Variants in SFMBT2 observed in about 807,000 individuals in gnomAD.
SFMBT2 encodes Scm like with four mbt domains 2.
In SFMBT2, 38 loss-of-function variants were observed where a neutral mutation model predicts 110.1. That is an observed-to-expected ratio of 0.35 (90% CI 0.27 to 0.45). SFMBT2 has a LOEUF of 0.45. SFMBT2 is among the 20% of genes least tolerant of loss of function. The pLI, the probability that SFMBT2 is intolerant of heterozygous loss-of-function variation, is 1.00. For missense variants in SFMBT2, 1,011 were observed against 1,094.9 expected, an observed-to-expected ratio of 0.92 and a Z score of 1.08; for synonymous variants, 425 against 425.4, an observed-to-expected ratio of 1.00 and a Z score of 0.01.
chr10:7,321,972 A>C (rs1843203702), intron 4 of SFMBT2, among the ~76,000 whole-genome samples: 1 of 152,200 alleles, frequency 6.6e-6, no homozygotes, highest in Non-Finnish European at 1.5e-5. Context: ...TTGACCTCTA[A>C]ATGTATGCAG....
At chr10:7,189,783 C>G (rs1838540221) in intron 15 of SFMBT2, among the ~76,000 whole-genome samples, 1 of 152,206 alleles carries the variant, frequency 6.6e-6, no homozygotes, top group Non-Finnish European at 1.5e-5. Context: ...TTTTGGATTT[C>G]AGAGCAAAAT....
chr10:7,310,214 T>C (rs1842810507), intron 4 of SFMBT2, among the ~76,000 whole-genome samples: 1 of 152,214 alleles, frequency 6.6e-6, no homozygotes, highest in Non-Finnish European at 1.5e-5. Flanking sequence ...CACATGTTGA[T>C]TCGGTACACA....
rs191758982 is a variant in SFMBT2 at position 7,407,539 on chromosome 10, C to A, written c.-52+3322G>T. Among the ~76,000 whole-genome samples the A allele has an allele frequency of 9.7e-4, 148 of 152,176 alleles. 2 individuals carry two copies. Among genetic ancestry groups the A allele is most frequent in the East Asian group, 5.6e-3 (29 of 5,170 alleles). On this transcript the variant is annotated intron_variant, in intron 1 of 20. Coordinates refer to ENST00000397167, the MANE Select transcript of SFMBT2 (RefSeq NM_001387889.1). ...ACGCGGCTGGGGTTGGTGCGCGGGG[C>A]CCCGGAACCCCAAACCCGGCTCGGT...
chr10:7,382,062 T>C (rs187619417), intron 1 of SFMBT2, 113 bp from the exon 2 acceptor site: 12 of 527,294 alleles, frequency 2.3e-5, no homozygotes, highest in African/African-American at 1.7e-4. Context: ...CATTTCATTA[T>C]AACTTTCAAG....
rs1429159908 is a variant in SFMBT2 at position 7,158,888 on chromosome 10, A to C, written c.*4882T>G. 6.6e-6 allele frequency: 1 copy of C among 152,186 alleles called. No homozygotes were observed. Among genetic ancestry groups the C allele is most frequent in the Admixed American group, 6.5e-5 (1 of 15,274 alleles). 9.4% of individuals were successfully genotyped at this position (152,186 alleles called of 1,614,324 possible). On this transcript the variant is annotated 3_prime_UTR_variant, in exon 21 of 21. Coordinates refer to ENST00000397167, the MANE Select transcript of SFMBT2 (RefSeq NM_001387889.1). ...TAGGAATCCAATTTCAATACAAACTATTCAAACTAGAATGCAAAACAGTGA... is the reference window on the plus strand; with the variant it reads ...TAGGAATCCAATTTCAATACAAACTCTTCAAACTAGAATGCAAAACAGTGA...
At chr10:7,370,179 C>G in intron 3 of SFMBT2, 102 bp downstream of exon 3, 2 of 1,069,818 alleles carry the variant, frequency 1.9e-6, no homozygotes, top group East Asian at 4.8e-5. Context: ...GAATTTCCCT[C>G]TTTCCTCTGC....
intron 4 of SFMBT2, among the ~76,000 whole-genome samples, chr10:7,343,797 C>CA (rs1324669621): frequency 1.3e-5 from 2 of 152,118 alleles, no homozygotes; most frequent in Non-Finnish European, 2.9e-5. Context: ...AACTTAGAAG[C>CA]AAACCGTTAA....
rs1010275356 is a variant in SFMBT2 at position 7,381,852 on chromosome 10, G to A, written c.47C>T (p.Ser16Leu). ...SASNMQDPSS[S>L]PLEKCLGSAN... The stretch of plus-strand genomic sequence containing the variant: ...TGAGCCGAGACACTTTTCCAAGGGT[G>A]AAGATGAAGGGTCTTGCATATTGGA... The change falls in exon 2 of 21, where the codon TCA (serine) becomes TTA (leucine). Residue 16 changes from serine to leucine, a missense_variant. Physicochemically the swap from Ser to Leu is moderately radical, Grantham distance 145. This residue lies in a region of SFMBT2 where 979 missense variants were observed against 1,016.1 expected (regional missense o/e 0.96). Transcript: ENST00000397167. 20 of 1,613,440 alleles carry A rather than the reference G, an allele frequency of 1.2e-5. No individual in the cohort carries two copies. The highest frequency in any genetic ancestry group is 1.4e-5 in the Non-Finnish European group (17 of 1,179,764).
rs1232868647 is a variant in SFMBT2, at chr10:7,301,228, C to T, written c.437-15274G>A. Among the ~76,000 whole-genome samples, 2 of 152,190 alleles carry T rather than the reference C, an allele frequency of 1.3e-5. No homozygotes were observed. Among genetic ancestry groups the T allele is most frequent in the Admixed American group, 1.3e-4 (2 of 15,290 alleles). Reference sequence around the variant, plus strand: ...ATAAAGAACGTCATGTGCAAATCAGCATGAGGCAGTTATTAGCGTCTTTAT... The same window carrying T: ...ATAAAGAACGTCATGTGCAAATCAGTATGAGGCAGTTATTAGCGTCTTTAT... On this transcript the variant is annotated intron_variant, in intron 4 of 20. Transcript: ENST00000397167. This position sits in a 1 kb window ranked among gnomAD's most constrained non-coding sequence, Gnocchi z 4.2.
intron 4 of SFMBT2, among the ~76,000 whole-genome samples, chr10:7,344,310 G>A (rs991979065): frequency 1.3e-5 from 2 of 152,156 alleles, no homozygotes; most frequent in African/African-American, 4.8e-5. Flanking sequence ...TGTGTCAAGG[G>A]TGGGGCCAGG....
chr10:7,388,853 G>A (rs968944893), intron 1 of SFMBT2, among the ~76,000 whole-genome samples: 4 of 152,118 alleles, frequency 2.6e-5, no homozygotes, highest in Non-Finnish European at 5.9e-5. Flanking sequence ...GTGGCAGGGT[G>A]TTCCAGGAAG....
At chr10:7,251,186 T>TAAAAA (rs1840795781) in intron 7 of SFMBT2, among the ~76,000 whole-genome samples, 1 of 148,668 alleles carries the variant, frequency 6.7e-6, no homozygotes. Context: ...AAAAAAAGAT[T>TAAAAA]AAAAGTGGGC....
chr10:7,307,693 T>C (rs950809641), intron 4 of SFMBT2, among the ~76,000 whole-genome samples: 2 of 152,174 alleles, frequency 1.3e-5, no homozygotes, highest in Non-Finnish European at 2.9e-5. Flanking sequence ...ACTAAGGACT[T>C]ACATGGGAAA....
intron 4 of SFMBT2, among the ~76,000 whole-genome samples, chr10:7,346,678 A>C (rs1050549032): frequency 6.6e-6 from 1 of 152,094 alleles, no homozygotes; most frequent in Non-Finnish European, 1.5e-5. Flanking sequence ...ATCTTTAAAA[A>C]TTTTTTGTAG....
At chr10:7,348,319 T>G (rs1844184295) in intron 4 of SFMBT2, 1 of 1,531,202 alleles carries the variant, frequency 6.5e-7, no homozygotes, top group Non-Finnish European at 8.8e-7. Flanking sequence ...GCTGATGGCT[T>G]GACATCACTC....
rs192715702 is a variant in SFMBT2 at position 7,191,153 on chromosome 10, C to T, written c.1699-2420G>A. Among the ~76,000 whole-genome samples the T allele has an allele frequency of 2.0e-5, 3 of 152,114 alleles. No homozygotes were observed. In the East Asian group the frequency reaches 5.8e-4, roughly 29 times the overall value. On this transcript the variant is annotated intron_variant, in intron 15 of 20. Transcript: ENST00000397167. ...TATGTCTTGATCACCAATGTGAAAA[C>T]GAACTAACACATTCCCCCACCTCAT...
intron 4 of SFMBT2, among the ~76,000 whole-genome samples, chr10:7,312,064 CAG>C (rs1473579477): frequency 6.6e-6 from 1 of 151,862 alleles, no homozygotes; most frequent in East Asian, 1.9e-4. Context: ...ACATCACACA[CAG>C]GGGCCTGTCG....
intron 4 of SFMBT2, among the ~76,000 whole-genome samples, chr10:7,362,547 C>G (rs368292328): frequency 5.4e-4 from 82 of 152,324 alleles, no homozygotes; most frequent in African/African-American, 1.8e-3. Context: ...CCAAAGTGTC[C>G]TCGAAGATCT....
Position 7,170,911 on chromosome 10 carries a change from C to T in SFMBT2, c.2544+17G>A, listed in dbSNP as rs200964369. On this transcript the variant is annotated intron_variant, in intron 20 of 20. Transcript: ENST00000397167. This position sits in a 1 kb window ranked among gnomAD's most constrained non-coding sequence, Gnocchi z 4.6. The stretch of plus-strand genomic sequence containing the variant: ...GTCTCAGCACATCAAACAATCGACA[C>T]GCGGCAACCACCGTACCTGCTCCTG... The T allele has an allele frequency of 7.3e-4, 1,183 of 1,613,938 alleles. 14 individuals carry two copies. The South Asian group carries it at 9.7e-3, about 13-fold the overall frequency.
Sources: gnomAD v4.1 joint callset for allele counts (sites outside exome capture counted in the v4.1 genomes callset) on GRCh38, gnomAD v4.1.1 for gene constraint, gnomAD v4.1.1 regional missense constraint, Gnocchi (gnomAD v3.1) non-coding constraint, MANE v1.5 for transcripts, NCBI Gene and HGNC (gene_info 2026-07-23, HGNC 2026-07-21) for gene names.